The following BTBD9 variants were observed in gnomAD, a reference collection of about 807,000 sequenced individuals.
BTBD9 encodes the protein BTB domain containing 9.
Under a neutral mutation model 64.3 loss-of-function variants are expected in BTBD9, and 49 were observed. That is an observed-to-expected ratio of 0.76 (90% confidence interval 0.61 to 0.97). The LOEUF (loss-of-function observed/expected upper bound fraction) is 0.97. Among genes scored for constraint, BTBD9 ranks in the 50% least tolerant of loss-of-function variants. BTBD9 has a pLI of 0.00. For missense variants in BTBD9, 598 were observed against 762.1 expected, an observed-to-expected ratio of 0.78 and a Z score of 2.53; for synonymous variants, 260 against 274.7, an observed-to-expected ratio of 0.95 and a Z score of 0.53.
At chr6:38,345,365 G>A (rs964911548) in intron 6 of BTBD9, among the ~76,000 whole-genome samples, 1 of 152,222 alleles carries the variant, frequency 6.6e-6, no homozygotes, top group African/African-American at 2.4e-5. Context: ...ACCAGGTACT[G>A]TTCAGTTCAA....
chr6:38,606,308 C>T (rs116749910), intron 1 of BTBD9, among the ~76,000 whole-genome samples: 4,912 of 152,158 alleles, frequency 0.032, 138 homozygotes, highest in Non-Finnish European at 0.051. Context: ...TACATCTATC[C>T]TATCAATCCT....
At chr6:38,483,470 CTCACACTAGA>C (rs1771256795) in intron 6 of BTBD9, among the ~76,000 whole-genome samples, 1 of 151,980 alleles carries the variant, frequency 6.6e-6, no homozygotes, top group Non-Finnish European at 1.5e-5. Context: ...ATAGTCCATT[CTCACACTAGA>C]TCACACTAGA....
intron 5 of BTBD9, among the ~76,000 whole-genome samples, chr6:38,579,344 C>G (rs1776189696): frequency 6.6e-6 from 1 of 152,142 alleles, no homozygotes; most frequent in African/African-American, 2.4e-5. Flanking sequence ...CCTTCATGCC[C>G]AGATCTGAAG....
intron 6 of BTBD9, among the ~76,000 whole-genome samples, chr6:38,425,432 A>C (rs1768101873): frequency 6.6e-6 from 1 of 151,812 alleles, no homozygotes; most frequent in Admixed American, 6.6e-5. Flanking sequence ...TAACACTTAT[A>C]ACACTAGTGT....
intron 1 of BTBD9, 43 bp from the exon 2 acceptor site, chr6:38,598,164 G>A (rs1777115871): frequency 7.0e-7 from 1 of 1,438,838 alleles, no homozygotes. Flanking sequence ...GGGGAGGGGA[G>A]TACACATAGA....
chr6:38,413,302 C>T (rs1767520169), intron 6 of BTBD9, among the ~76,000 whole-genome samples: 1 of 152,174 alleles, frequency 6.6e-6, no homozygotes, highest in South Asian at 2.1e-4. Context: ...AGAACATATG[C>T]TTATACTCAC....
At chr6:38,379,748 A>G (rs1289294094) in intron 6 of BTBD9, among the ~76,000 whole-genome samples, 1 of 152,218 alleles carries the variant, frequency 6.6e-6, no homozygotes. Flanking sequence ...AAACAATCAT[A>G]CCACATATGC....
At chr6:38,267,500 T>G (rs539001664) in intron 8 of BTBD9, among the ~76,000 whole-genome samples, 2 of 152,182 alleles carry the variant, frequency 1.3e-5, no homozygotes, top group African/African-American at 2.4e-5. Flanking sequence ...CACCATCCAG[T>G]GGCCCCTCCC....
intron 1 of BTBD9, among the ~76,000 whole-genome samples, chr6:38,615,611 T>C (rs1434585011): frequency 6.6e-6 from 1 of 152,152 alleles, no homozygotes. Flanking sequence ...CCACTCACCA[T>C]TCAGGTCTTG....
intron 6 of BTBD9, among the ~76,000 whole-genome samples, chr6:38,535,989 T>C (rs1774005775): frequency 6.6e-6 from 1 of 151,868 alleles, no homozygotes; most frequent in Non-Finnish European, 1.5e-5. Flanking sequence ...CAAAAATGGA[T>C]AAATGGGATC....
At chr6:38,208,408 T>C (rs1251785651) in intron 9 of BTBD9, among the ~76,000 whole-genome samples, 3 of 152,186 alleles carry the variant, frequency 2.0e-5, no homozygotes, top group African/African-American at 7.2e-5. Flanking sequence ...TCTTTAATCA[T>C]ATCTAAAGAT....
intron 6 of BTBD9, among the ~76,000 whole-genome samples, chr6:38,366,706 G>A (rs1452332483): frequency 6.6e-6 from 1 of 152,202 alleles, no homozygotes; most frequent in African/African-American, 2.4e-5. Flanking sequence ...GAAGGAAGTG[G>A]AAAAGAATGA....
intron 6 of BTBD9, among the ~76,000 whole-genome samples, chr6:38,417,582 T>G (rs1461467606): frequency 1.3e-5 from 2 of 152,154 alleles, no homozygotes; most frequent in Admixed American, 6.5e-5. Context: ...GATACTAGCC[T>G]GGGCAGCATA....
intron 9 of BTBD9, among the ~76,000 whole-genome samples, chr6:38,237,677 A>G (rs1582094907): frequency 6.6e-6 from 1 of 152,242 alleles, no homozygotes; most frequent in Admixed American, 6.5e-5. Context: ...AGAAGAAAAG[A>G]TAATCTGATG....
intron 6 of BTBD9, among the ~76,000 whole-genome samples, chr6:38,510,991 T>C (rs530922102): frequency 1.1e-3 from 164 of 152,272 alleles, no homozygotes; most frequent in Non-Finnish European, 2.2e-3. Context: ...GTGAATTACA[T>C]ATGCTATACT....
intron 6 of BTBD9, among the ~76,000 whole-genome samples, chr6:38,567,974 G>T (rs1012663026): frequency 6.6e-6 from 1 of 152,158 alleles, no homozygotes; most frequent in African/African-American, 2.4e-5. Flanking sequence ...ATTTTAGAGA[G>T]CTAAAGAGAT....
chr6:38,221,809 G>A (rs1049956951), intron 9 of BTBD9, among the ~76,000 whole-genome samples: 2 of 152,076 alleles, frequency 1.3e-5, no homozygotes, highest in Non-Finnish European at 2.9e-5. Flanking sequence ...TGGCCAATAT[G>A]GTGAAACCCC....
chr6:38,235,703 CAG>C (rs1238374953), intron 9 of BTBD9, among the ~76,000 whole-genome samples: 3 of 152,180 alleles, frequency 2.0e-5, no homozygotes, highest in African/African-American at 7.2e-5. Flanking sequence ...AACACAGTAA[CAG>C]AGATATCTGT....
At chr6:38,270,362 G>A (rs1765158692) in intron 8 of BTBD9, among the ~76,000 whole-genome samples, 1 of 149,840 alleles carries the variant, frequency 6.7e-6, no homozygotes, top group South Asian at 2.1e-4. Flanking sequence ...CTGCATCACT[G>A]CCCTGACTCC....
Sources: allele counts gnomAD v4.1 joint callset (sites outside exome capture counted in the v4.1 genomes callset), GRCh38; gene constraint gnomAD v4.1.1; transcripts MANE v1.5; gene names NCBI Gene and HGNC (gene_info 2026-07-23, HGNC 2026-07-21).